Variants in ATR observed in about 807,000 individuals in gnomAD.
ATR encodes the protein serine/threonine-protein kinase ATR.
A neutral mutation model predicts 305.3 loss-of-function variants in ATR; 142 were observed. The observed-to-expected ratio is 0.47, with a 90% CI of 0.41 to 0.53. The LOEUF (loss-of-function observed/expected upper bound fraction) is 0.53. Ranked by LOEUF, ATR falls within the 20% of genes least tolerant of loss-of-function variation. ATR has a pLI of 0.00. For synonymous variants in ATR, 1,050 were observed against 1,068.1 expected, an observed-to-expected ratio of 0.98 and a Z score of 0.33; for missense variants, 2,135 against 3,133.1, an observed-to-expected ratio of 0.68 and a Z score of 7.60.
intron 16 of ATR, among the ~76,000 whole-genome samples, chr3:142,547,219 A>G (rs73240316): frequency 0.14 from 21,006 of 151,896 alleles, 1,499 homozygotes; most frequent in Non-Finnish European, 0.16. Flanking sequence ...AATAGAGAAC[A>G]TATTTCCAAA....
chr3:142,509,243 T>C (rs1047578434), intron 27 of ATR, among the ~76,000 whole-genome samples: 12 of 152,156 alleles, frequency 7.9e-5, no homozygotes, highest in Admixed American at 7.9e-4. Context: ...CATAGCTCAC[T>C]GCAGCCTTCA....
chr3:142,549,497 A>T lies in ATR; in HGVS notation c.3153T>A (p.Arg1051=). The part of the protein sequence containing the change: ...VCSCSKDELE[R]ALHYLKNETE... ...CAATTACCTTCAGATAATGAAGGGC[A>T]CGTTCTAATTCATCTTTGGAACAAG... is the stretch of plus-strand genomic sequence containing the variant. The change falls in exon 15 of 47, where the codon CGT becomes CGA. Residue 1051 remains arginine (R), a synonymous_variant. Transcript: ENST00000350721. 1 of 1,598,448 alleles carries T rather than the reference A, an allele frequency of 6.3e-7. No individual in the cohort carries two copies. Among genetic ancestry groups the T allele is most frequent in the African/African-American group, 1.3e-5 (1 of 74,490 alleles).
At chr3:142,541,058 G>C in intron 17 of ATR, 24 bp from the exon 18 acceptor site, 2 of 1,612,952 alleles carry the variant, frequency 1.2e-6, no homozygotes, top group African/African-American at 2.7e-5. Context: ...TAGTGCTTCA[G>C]AGTAAAGCTT....
At chr3:142,561,825 A>G (rs115254660) in intron 4 of ATR, among the ~76,000 whole-genome samples, 71 of 152,316 alleles carry the variant, frequency 4.7e-4, no homozygotes, top group African/African-American at 1.5e-3. Context: ...CAGTCCAAAT[A>G]GAAAAAAGCG....
At chr3:142,479,127 AG>A (rs200971884) in intron 36 of ATR, among the ~76,000 whole-genome samples, 19,344 of 152,048 alleles carry the variant, frequency 0.13, 1,324 homozygotes, top group Non-Finnish European at 0.16. Flanking sequence ...TGATCCTCTC[AG>A]TATGATGTTA....
At chr3:142,453,692 A>T (rs2070840056) in intron 45 of ATR, among the ~76,000 whole-genome samples, 1 of 152,196 alleles carries the variant, frequency 6.6e-6, no homozygotes, top group Admixed American at 6.5e-5. Flanking sequence ...CAAACTCAGT[A>T]TCTCCAAAAT....
intron 36 of ATR, among the ~76,000 whole-genome samples, chr3:142,475,460 G>C (rs1181164602): frequency 6.6e-6 from 1 of 152,092 alleles, no homozygotes. Context: ...GTATTCCATG[G>C]GGTATATGTG....
intron 28 of ATR, among the ~76,000 whole-genome samples, 155 bp from the exon 29 acceptor site, chr3:142,505,458 A>C (rs2032188838): frequency 6.6e-6 from 1 of 152,186 alleles, no homozygotes; most frequent in Non-Finnish European, 1.5e-5. Context: ...AGTCACAGTA[A>C]AATTATAAAC....
chr3:142,451,454 A>T, intron 46 of ATR: 1 of 1,498,048 alleles, frequency 6.7e-7, no homozygotes, highest in Non-Finnish European at 9.0e-7. Context: ...TAAAAATAGG[A>T]GACTTTGGTC....
At chr3:142,510,296 G>A (rs1012520860) in intron 27 of ATR, among the ~76,000 whole-genome samples, 7 of 151,876 alleles carry the variant, frequency 4.6e-5, no homozygotes, top group African/African-American at 7.3e-5. Flanking sequence ...AGGAGTTAGA[G>A]ACCAGCCTGG....
rs779268564 is a variant in ATR, at chr3:142,562,391, A to C, written c.1011T>G (p.Leu337=). 1 of 1,614,148 alleles carries C rather than the reference A, an allele frequency of 6.2e-7. No homozygotes were observed. Among genetic ancestry groups the C allele is most frequent in the Non-Finnish European group, 8.5e-7 (1 of 1,180,002 alleles). Residue 337 remains leucine, a synonymous_variant, in exon 4 of 47, where the codon CTT becomes CTG. Coordinates refer to ENST00000350721, the MANE Select transcript of ATR (RefSeq NM_001184.4). ...AAGCTGCTTTTAGCAAATCAGACTT[A>C]AGCCGCATGAGCACACCGTCTTCAA... ...VMFEDGVLMR[L]KSDLLKAALC... is the part of the protein sequence containing the mutation.
rs773758199 is a variant in ATR at position 142,553,631 on chromosome 3, C to G, written c.2633+9G>C. 6.3e-7 allele frequency: 1 copy of G among 1,591,966 alleles called. No individual in the cohort carries two copies. Among genetic ancestry groups the G allele is most frequent in the Non-Finnish European group, 8.6e-7 (1 of 1,161,722 alleles). On this transcript the variant is annotated intron_variant, in intron 12 of 46. Transcript: ENST00000350721. Reference sequence around the variant, plus strand: ...AAATAAGGAAGAACACAAATGCTGCCAAGTATACCTTCCAATATCCCCTGT... The same window carrying G: ...AAATAAGGAAGAACACAAATGCTGCGAAGTATACCTTCCAATATCCCCTGT...
At chr3:142,468,315 A>C (rs1337780687) in intron 38 of ATR, among the ~76,000 whole-genome samples, 5 of 152,152 alleles carry the variant, frequency 3.3e-5, no homozygotes, top group Non-Finnish European at 7.4e-5. Flanking sequence ...ATAAACATAG[A>C]CATATCTAGA....
intron 23 of ATR, 145 bp from the exon 24 acceptor site, chr3:142,519,929 GTT>G: frequency 1.5e-6 from 1 of 684,024 alleles, no homozygotes. Flanking sequence ...CATGGATGCT[GTT>G]TTTTTTGTCT....
intron 6 of ATR, among the ~76,000 whole-genome samples, chr3:142,559,918 G>C (rs887845611): frequency 6.6e-6 from 1 of 152,166 alleles, no homozygotes; most frequent in Non-Finnish European, 1.5e-5. Context: ...ACTGGGTTTT[G>C]AGTTGTACAC....
intron 36 of ATR, among the ~76,000 whole-genome samples, chr3:142,483,884 T>TATAC (rs1486809242): frequency 1.3e-5 from 2 of 151,178 alleles, no homozygotes; most frequent in Non-Finnish European, 2.9e-5. Context: ...AATATATATA[T>TATAC]ATATAACCAC....
At chr3:142,550,820 C>T (rs1009000165) in intron 13 of ATR, among the ~76,000 whole-genome samples, 4 of 151,896 alleles carry the variant, frequency 2.6e-5, no homozygotes, top group African/African-American at 9.7e-5. Context: ...CAGAGTCTTG[C>T]TCTGTCACTC....
intron 3 of ATR, among the ~76,000 whole-genome samples, chr3:142,565,497 G>A (rs1385096595): frequency 4.6e-5 from 7 of 151,760 alleles, no homozygotes. Flanking sequence ...TTTTTTAAAG[G>A]ACCAGATAGT....
chr3:142,490,991 C>T (rs886405301), intron 35 of ATR, among the ~76,000 whole-genome samples: 2 of 151,798 alleles, frequency 1.3e-5, no homozygotes, highest in African/African-American at 4.8e-5. Flanking sequence ...AATGACAGCT[C>T]TATTGGGATA....
Sources: allele counts gnomAD v4.1 joint callset (sites outside exome capture counted in the v4.1 genomes callset), GRCh38; gene constraint gnomAD v4.1.1; transcripts MANE v1.5; gene names NCBI Gene and HGNC (gene_info 2026-07-23, HGNC 2026-07-21).